The following EMILIN2 variants were observed in gnomAD, a reference collection of about 807,000 sequenced individuals.
EMILIN2 encodes the protein EMILIN-2.
In EMILIN2, 71 loss-of-function variants were observed where a neutral mutation model predicts 87.1. That is an observed-to-expected ratio of 0.82 (90% CI 0.67 to 0.99). The LOEUF is 0.99. Among genes scored for constraint, EMILIN2 ranks in the 50% least tolerant of loss-of-function variants. The pLI is 0.00. For missense variants in EMILIN2, 1,407 were observed against 1,371.8 expected, an observed-to-expected ratio of 1.03 and a Z score of -0.40; for synonymous variants, 581 against 563.4, an observed-to-expected ratio of 1.03 and a Z score of -0.44.
chr18:2,874,453 C>T (rs2076737541), intron 2 of EMILIN2, among the ~76,000 whole-genome samples: 1 of 152,084 alleles, frequency 6.6e-6, no homozygotes, highest in African/African-American at 2.4e-5. Flanking sequence ...GGGAAAATAA[C>T]TTTGCATCAG....
At chr18:2,888,638 C>G (rs1436547202) in intron 3 of EMILIN2, among the ~76,000 whole-genome samples, 1 of 150,634 alleles carries the variant, frequency 6.6e-6, no homozygotes, top group Non-Finnish European at 1.5e-5. Flanking sequence ...TGGCGTGAAC[C>G]CAAGAGGCAG....
Position 2,880,453 on chromosome 18 carries a change from C to A in EMILIN2, c.258-4511C>A, listed in dbSNP as rs7244721. Among the ~76,000 whole-genome samples the A allele has an allele frequency of 8.2e-3, 1,245 of 152,250 alleles. 21 individuals are homozygous for A. Among genetic ancestry groups the A allele is most frequent in the African/African-American group, 0.026 (1,078 of 41,548 alleles). On this transcript the variant is annotated intron_variant, in intron 2 of 7. Transcript: ENST00000254528. This position sits in a 1 kb window ranked among gnomAD's most constrained non-coding sequence, Gnocchi z 4.1. ...TGGGGGAGAGTTCACAGGGGCGAGGCGGCAGGGCGACAGGCCCAGGGTTAC... is the reference window on the plus strand; with the variant it reads ...TGGGGGAGAGTTCACAGGGGCGAGGAGGCAGGGCGACAGGCCCAGGGTTAC...
intron 4 of EMILIN2, among the ~76,000 whole-genome samples, chr18:2,905,503 ACT>A (rs1333701477): frequency 6.6e-6 from 1 of 151,796 alleles, no homozygotes; most frequent in Non-Finnish European, 1.5e-5. Context: ...TTCCAATTCT[ACT>A]CTTTTATTTA....
Position 2,892,314 on chromosome 18 carries a change from G to A in EMILIN2, c.2187G>A (p.Gly729=), listed in dbSNP as rs1303843574. Residue 729 remains glycine (G), a synonymous_variant, in exon 4 of 8, where the codon GGG becomes GGA. Coordinates refer to ENST00000254528, the MANE Select transcript of EMILIN2 (RefSeq NM_032048.3). The part of the protein sequence containing the change: ...ISGNLQRIKE[G]LNKHVSSLWN... ...GAAATCTTCAGAGGATCAAGGAGGG[G>A]CTCAACAAGCATGTCAGCAGCCTGT... is the stretch of plus-strand genomic sequence containing the variant. The A allele has an allele frequency of 2.5e-6, 4 of 1,614,176 alleles. No individual in the cohort carries two copies. Among genetic ancestry groups the A allele is most frequent in the Admixed American group, 1.7e-5 (1 of 60,022 alleles).
chr18:2,864,509 G>T (rs1409030894), intron 2 of EMILIN2, among the ~76,000 whole-genome samples: 2 of 152,106 alleles, frequency 1.3e-5, no homozygotes, highest in African/African-American at 4.8e-5. Context: ...TGAAATTCTG[G>T]GTTGAAAATT....
intron 4 of EMILIN2, among the ~76,000 whole-genome samples, chr18:2,902,947 CA>C (rs1368616601): frequency 5.9e-5 from 9 of 152,136 alleles, no homozygotes; most frequent in Non-Finnish European, 1.2e-4. Context: ...TTGGTGAGGA[CA>C]GGGGAGAAAA....
chr18:2,878,273 T>C (rs2076759721), intron 2 of EMILIN2, among the ~76,000 whole-genome samples: 1 of 152,212 alleles, frequency 6.6e-6, no homozygotes, highest in Admixed American at 6.5e-5. Flanking sequence ...GCAGACCACC[T>C]GAGGTCAGGA....
chr18:2,881,136 C>G (rs1325593939), intron 2 of EMILIN2, among the ~76,000 whole-genome samples: 1 of 152,168 alleles, frequency 6.6e-6, no homozygotes, highest in Non-Finnish European at 1.5e-5. Flanking sequence ...TCTCCACCTC[C>G]CCCTGAGCTC....
At chr18:2,865,803 C>T (rs1040881116) in intron 2 of EMILIN2, among the ~76,000 whole-genome samples, 2 of 152,232 alleles carry the variant, frequency 1.3e-5, no homozygotes, top group African/African-American at 2.4e-5. Context: ...GCCCTGCCCC[C>T]AGAGGTGCAG....
At chr18:2,911,881 G>C (rs979400362) in intron 7 of EMILIN2, among the ~76,000 whole-genome samples, 1 of 138,294 alleles carries the variant, frequency 7.2e-6, no homozygotes, top group African/African-American at 2.6e-5. Context: ...CACTCAAAAC[G>C]CCAGGGCTGG....
At chr18:2,888,708 C>T (rs1457499662) in intron 3 of EMILIN2, among the ~76,000 whole-genome samples, 1 of 131,210 alleles carries the variant, frequency 7.6e-6, no homozygotes, top group African/African-American at 3.1e-5. Context: ...GAGGGAGATT[C>T]TGTCTCAAAA....
At chr18:2,897,088 C>G (rs959632999) in intron 4 of EMILIN2, among the ~76,000 whole-genome samples, 1 of 152,112 alleles carries the variant, frequency 6.6e-6, no homozygotes, top group South Asian at 2.1e-4. Flanking sequence ...TATGGCCAAG[C>G]GTATAAGCAA....
chr18:2,914,353 TGCCCAG>T lies in EMILIN2; in HGVS notation c.*952_*957del, dbSNP rs2076956223. ...TGCTGCACTCAGATCCCACAGCAGC[TGCCCAG>T]GCTAACTTGATCCCTGCTGCTTCAC... is the stretch of plus-strand genomic sequence containing the variant. On this transcript the variant is annotated 3_prime_UTR_variant, in exon 8 of 8. Transcript: ENST00000254528. The T allele has an allele frequency of 2.0e-5, 3 of 152,192 alleles. No individual in the cohort carries two copies. The highest frequency in any genetic ancestry group is 4.4e-5 in the Non-Finnish European group (3 of 68,040). 9.4% of individuals were successfully genotyped at this position (152,192 alleles called of 1,614,324 possible).
At chr18:2,905,451 G>T (rs2076905988) in intron 4 of EMILIN2, among the ~76,000 whole-genome samples, 1 of 151,794 alleles carries the variant, frequency 6.6e-6, no homozygotes, top group Admixed American at 6.6e-5. Flanking sequence ...CGGGGTAATA[G>T]GGTATCTATT....
intron 2 of EMILIN2, among the ~76,000 whole-genome samples, chr18:2,864,648 C>A (rs1361507119): frequency 6.6e-6 from 1 of 152,178 alleles, no homozygotes; most frequent in African/African-American, 2.4e-5. Flanking sequence ...CTGCCCTTAA[C>A]ATTTTTTCCT....
At position 2,847,900 on chromosome 18, in the gene EMILIN2, T is replaced by C; in HGVS notation, c.226T>C (p.Trp76Arg). The C allele has an allele frequency of 6.2e-7, 1 of 1,612,156 alleles. No individual in the cohort carries two copies. Among genetic ancestry groups the C allele is most frequent in the Non-Finnish European group, 8.5e-7 (1 of 1,179,404 alleles). The change falls in exon 2 of 8, where the codon TGG becomes CGG. Residue 76 changes from tryptophan to arginine, a missense_variant. Transcript: ENST00000254528. This position sits in a 1 kb window ranked among gnomAD's most constrained non-coding sequence, Gnocchi z 4.5. Reference sequence around the variant, plus strand: ...TATTCAGGCTCAGTACAACTGTGCCTGGAACCAGATGCCCTGTCCGTCGGC... The same window carrying C: ...TATTCAGGCTCAGTACAACTGTGCCCGGAACCAGATGCCCTGTCCGTCGGC... ...SFIQAQYNCA[W>R]NQMPCPSALV...
intron 2 of EMILIN2, among the ~76,000 whole-genome samples, chr18:2,855,202 C>A (rs554122200): frequency 6.6e-6 from 1 of 152,352 alleles, no homozygotes; most frequent in Admixed American, 6.5e-5. Context: ...AATCTCCAGA[C>A]CTTCCTTTCA....
chr18:2,866,027 T>G (rs1167295279), intron 2 of EMILIN2, among the ~76,000 whole-genome samples: 2 of 152,250 alleles, frequency 1.3e-5, no homozygotes, highest in Non-Finnish European at 2.9e-5. Flanking sequence ...GGATATAATC[T>G]GGTGTGTGCT....
At chr18:2,855,514 G>C (rs1470238564) in intron 2 of EMILIN2, among the ~76,000 whole-genome samples, 1 of 152,168 alleles carries the variant, frequency 6.6e-6, no homozygotes, top group African/African-American at 2.4e-5. Flanking sequence ...CTCCGTAACT[G>C]GTCTTCCTCT....
Sources: allele counts gnomAD v4.1 joint callset (sites outside exome capture counted in the v4.1 genomes callset), GRCh38; gene constraint gnomAD v4.1.1; non-coding constraint Gnocchi (gnomAD v3.1); transcripts MANE v1.5; gene names NCBI Gene and HGNC (gene_info 2026-07-23, HGNC 2026-07-21).